Variants in INHBC observed in about 807,000 individuals in gnomAD.
INHBC encodes inhibin beta C chain.
INHBC carries 10 observed loss-of-function variants against 12.4 expected under a neutral mutation model. The observed-to-expected ratio is 0.81, with a 90% CI of 0.50 to 1.37. The LOEUF is 1.37. Ranked by LOEUF, INHBC falls within the 40% of genes most tolerant of loss-of-function variation. The probability of loss-of-function intolerance (pLI) is 0.00; values close to 1 mark genes in which losing one functional copy is unlikely to be tolerated. For missense variants in INHBC, 382 were observed against 439.4 expected (o/e 0.87, Z 1.17); for synonymous variants, 147 against 171.6 (o/e 0.86, Z 1.12).
rs753381689 is a variant in INHBC, at chr12:57,449,640, G to C, written c.677G>C (p.Arg226Thr). 1 of 1,614,244 alleles carries C rather than the reference G, an allele frequency of 6.2e-7. No individual in the cohort carries two copies. Residue 226 changes from arginine to threonine, a missense_variant, in exon 2 of 2, where the codon AGA becomes ACA. By Grantham distance (71) the Arg-to-Thr change is moderately conservative. Transcript: ENST00000309668. ...AHRPFVAARVRVGGKHQIHRR... is the reference protein window; with the variant it reads ...AHRPFVAARVTVGGKHQIHRR... ...AGGCCTTTTGTGGCAGCCCGGGTGA[G>C]AGTTGGGGGCAAACACCAGATTCAC... is the stretch of plus-strand genomic sequence containing the variant.
At chr12:57,437,179 T>C (rs192420994) in intron 1 of INHBC, among the ~76,000 whole-genome samples, 1 of 151,952 alleles carries the variant, frequency 6.6e-6, no homozygotes, top group African/African-American at 2.4e-5. Flanking sequence ...AGCCCAGGAG[T>C]TTGAGACTGC....
intron 1 of INHBC, among the ~76,000 whole-genome samples, chr12:57,439,184 G>C (rs531321658): frequency 6.6e-6 from 1 of 152,086 alleles, no homozygotes; most frequent in Non-Finnish European, 1.5e-5. Context: ...TACCTCCCAC[G>C]CACTTAACAT....
At chr12:57,447,616 G>A (rs1870608173) in intron 1 of INHBC, among the ~76,000 whole-genome samples, 2 of 150,318 alleles carry the variant, frequency 1.3e-5, no homozygotes, top group African/African-American at 4.9e-5. Context: ...CAGGCGCGGT[G>A]GCTTACGCCT....
At chr12:57,443,113 C>CTTTTTTTTTTTTTTTTTTTTTTTT (rs34935222) in intron 1 of INHBC, among the ~76,000 whole-genome samples, 1 of 72,398 alleles carries the variant, frequency 1.4e-5, no homozygotes, top group East Asian at 4.7e-4. Context: ...ATAAAGCACT[C>CTTTTTTTTTTTTTTTTTTTTTTTT]TTTTTTTTTT....
intron 1 of INHBC, among the ~76,000 whole-genome samples, chr12:57,440,588 C>T (rs1870442664): frequency 6.6e-6 from 1 of 152,092 alleles, no homozygotes; most frequent in Admixed American, 6.6e-5. Context: ...GCCTCAGCCT[C>T]CCAAAGTGCT....
At chr12:57,445,539 G>T (rs964496176) in intron 1 of INHBC, among the ~76,000 whole-genome samples, 1 of 152,090 alleles carries the variant, frequency 6.6e-6, no homozygotes, top group Non-Finnish European at 1.5e-5. Context: ...GCGTTTATGG[G>T]GAGAAGTTTG....
intron 1 of INHBC, among the ~76,000 whole-genome samples, chr12:57,435,447 G>A (rs868632587): frequency 3.9e-5 from 6 of 152,092 alleles, no homozygotes; most frequent in African/African-American, 9.7e-5. Context: ...ATTGGCTGCC[G>A]TCATCTCCTC....
chr12:57,441,793 T>C lies in INHBC; in HGVS notation c.313+6594T>C, dbSNP rs536755307. On this transcript the variant is annotated intron_variant, in intron 1 of 1. Transcript: ENST00000309668. ...ATCTCCAGGGTTCAAGAGATTCTCTTCCCTCAGCCTCCTGAGTAGTTGGGA... is the reference window on the plus strand; with the variant it reads ...ATCTCCAGGGTTCAAGAGATTCTCTCCCCTCAGCCTCCTGAGTAGTTGGGA... Among the ~76,000 whole-genome samples, 4 of 151,968 alleles carry C rather than the reference T, an allele frequency of 2.6e-5. No homozygotes were observed. The East Asian group carries it at 7.8e-4, about 30-fold the overall frequency.
At chr12:57,437,440 C>T (rs944299712) in intron 1 of INHBC, among the ~76,000 whole-genome samples, 2 of 151,792 alleles carry the variant, frequency 1.3e-5, no homozygotes, top group African/African-American at 2.4e-5. Flanking sequence ...GAGGCCAAGT[C>T]GCGCAGATCA....
chr12:57,441,354 C>CAAA (rs1171735520), intron 1 of INHBC, among the ~76,000 whole-genome samples: 20 of 33,916 alleles, frequency 5.9e-4, no homozygotes, highest in East Asian at 1.1e-3. Context: ...AATTCCATCT[C>CAAA]AAAAAAAAAA....
chr12:57,449,987 C>T lies in INHBC; in HGVS notation c.1024C>T (p.Pro342Ser), dbSNP rs1870677748. 1 of 1,536,772 alleles carries T rather than the reference C, an allele frequency of 6.5e-7. No individual in the cohort carries two copies. Among genetic ancestry groups the T allele is most frequent in the East Asian group, 2.3e-5 (1 of 44,100 alleles). Residue 342 changes from proline (P) to serine (S), a missense_variant, in exon 2 of 2, where the codon CCT becomes TCT. Pro to Ser is a moderately conservative substitution (Grantham distance 74). Coordinates refer to ENST00000309668, the MANE Select transcript of INHBC (RefSeq NM_005538.4). ...CAGCAACATTGTCAAGACTGACATA[C>T]CTGACATGGTAGTAGAGGCCTGTGG... ...RDSNIVKTDI[P>S]DMVVEACGCS
At chr12:57,437,440 C>A (rs944299712) in intron 1 of INHBC, among the ~76,000 whole-genome samples, 1 of 151,792 alleles carries the variant, frequency 6.6e-6, no homozygotes, top group African/African-American at 2.4e-5. Context: ...GAGGCCAAGT[C>A]GCGCAGATCA....
chr12:57,451,986 T>C lies in INHBC; in HGVS notation c.*1964T>C, dbSNP rs955033222. ...AGATAGGACTTTAATGCAATATTAT[T>C]TTAAAGTCAAAATTAATGCAAAAAA... On this transcript the variant is annotated 3_prime_UTR_variant, in exon 2 of 2. Coordinates refer to ENST00000309668, the MANE Select transcript of INHBC (RefSeq NM_005538.4). The C allele has an allele frequency of 3.7e-5, 13 of 352,568 alleles. No homozygotes were observed. The highest frequency in any genetic ancestry group is 2.8e-4 in the African/African-American group (13 of 46,412). The allele number at this position is 352,568 out of a possible 1,614,324, so 21.8% of individuals were successfully genotyped here.
At chr12:57,437,670 C>CA (rs34920755) in intron 1 of INHBC, among the ~76,000 whole-genome samples, 53,087 of 113,478 alleles carry the variant, frequency 0.47, 11,547 homozygotes, top group South Asian at 0.54. Context: ...CACTCCGTCT[C>CA]AAAAAAAAAA....
At chr12:57,437,624 T>C (rs1870371227) in intron 1 of INHBC, among the ~76,000 whole-genome samples, 1 of 148,638 alleles carries the variant, frequency 6.7e-6, no homozygotes, top group East Asian at 2.0e-4. Flanking sequence ...TGAGCCGAGA[T>C]TGCGCCACTG....
In INHBC at chr12:57,451,827, C is replaced by T. The variant is rs768845670; in HGVS notation, c.*1805C>T. 39 of 455,686 alleles carry T rather than the reference C, an allele frequency of 8.6e-5. 2 individuals are homozygous for T. Among genetic ancestry groups the T allele is most frequent in the South Asian group, 6.0e-4 (39 of 64,542 alleles). The allele number at this position is 455,686 out of a possible 1,614,324, so 28.2% of individuals were successfully genotyped here. On this transcript the variant is annotated 3_prime_UTR_variant, in exon 2 of 2. Coordinates refer to ENST00000309668, the MANE Select transcript of INHBC (RefSeq NM_005538.4). ...GAGGCCTTCTGGTGTCTCCCCCACA[C>T]ATCCCCGACCCCCAGATCTAACCTC...
intron 1 of INHBC, among the ~76,000 whole-genome samples, chr12:57,442,723 C>G (rs1258943900): frequency 6.6e-6 from 1 of 152,154 alleles, no homozygotes; most frequent in African/African-American, 2.4e-5. Flanking sequence ...GGCACGTTGG[C>G]TCACACCTGT....
At chr12:57,445,320 T>C (rs1199416467) in intron 1 of INHBC, among the ~76,000 whole-genome samples, 1 of 152,174 alleles carries the variant, frequency 6.6e-6, no homozygotes, top group Non-Finnish European at 1.5e-5. Flanking sequence ...CTGGCTGATA[T>C]TTGGAGAATG....
chr12:57,451,790 G>C lies in INHBC; in HGVS notation c.*1768G>C, dbSNP rs1870717035. 1 of 450,536 alleles carries C rather than the reference G, an allele frequency of 2.2e-6. No individual in the cohort carries two copies. The allele number at this position is 450,536 out of a possible 1,614,324, so 27.9% of individuals were successfully genotyped here. The stretch of plus-strand genomic sequence containing the variant: ...TTGACTTGAGGAGACCTTCATCTAA[G>C]GAGAATCTAAGGAGGCCTTCTGGTG... On this transcript the variant is annotated 3_prime_UTR_variant, in exon 2 of 2. Coordinates refer to ENST00000309668, the MANE Select transcript of INHBC (RefSeq NM_005538.4).
Sources: allele counts gnomAD v4.1 joint callset (sites outside exome capture counted in the v4.1 genomes callset), GRCh38; gene constraint gnomAD v4.1.1; transcripts MANE v1.5; gene names NCBI Gene and HGNC (gene_info 2026-07-23, HGNC 2026-07-21).